The following ZFPM2 variants were observed in gnomAD, a reference collection of about 807,000 sequenced individuals.
ZFPM2 encodes the protein zinc finger protein ZFPM2.
In ZFPM2, 20 loss-of-function variants were observed where a neutral mutation model predicts 98.6. The ratio of observed to expected loss-of-function variants is 0.20; its 90% CI spans 0.14 to 0.29. The LOEUF (loss-of-function observed/expected upper bound fraction) is 0.29. Among genes scored for constraint, ZFPM2 ranks in the 10% least tolerant of loss-of-function variants. ZFPM2 has a pLI of 1.00. For synonymous variants in ZFPM2, 518 were observed against 502.7 expected (o/e 1.03, Z -0.41); for missense variants, 1,310 against 1,388.6 (o/e 0.94, Z 0.90).
intron 5 of ZFPM2, among the ~76,000 whole-genome samples, chr8:105,781,192 C>G (rs979524016): frequency 1.3e-5 from 2 of 152,146 alleles, no homozygotes; most frequent in Non-Finnish European, 2.9e-5. Flanking sequence ...AGTTCCCCTC[C>G]TAACTGTATT....
At chr8:105,763,287 A>G (rs962440704) in intron 5 of ZFPM2, among the ~76,000 whole-genome samples, 2 of 151,864 alleles carry the variant, frequency 1.3e-5, no homozygotes, top group African/African-American at 4.8e-5. Flanking sequence ...AGCGGACAAT[A>G]GAGGTCTGAA....
At chr8:105,410,378 C>T (rs13263189) in intron 1 of ZFPM2, among the ~76,000 whole-genome samples, 13,161 of 151,874 alleles carry the variant, frequency 0.087, 694 homozygotes, top group South Asian at 0.14. Context: ...GAAACTTGGT[C>T]GCCAAAGCCC....
chr8:105,426,110 G>A (rs1811902875), intron 2 of ZFPM2, among the ~76,000 whole-genome samples: 2 of 151,998 alleles, frequency 1.3e-5, no homozygotes, highest in Non-Finnish European at 2.9e-5. Flanking sequence ...AACTGCATAA[G>A]ACAGCTCTAC....
intron 2 of ZFPM2, among the ~76,000 whole-genome samples, chr8:105,434,558 G>T (rs1812083764): frequency 6.6e-6 from 1 of 152,090 alleles, no homozygotes; most frequent in Non-Finnish European, 1.5e-5. Context: ...AGCTTCTTCT[G>T]TGAAGGTATC....
At chr8:105,479,485 C>T (rs1477489863) in intron 3 of ZFPM2, among the ~76,000 whole-genome samples, 2 of 152,122 alleles carry the variant, frequency 1.3e-5, no homozygotes, top group Non-Finnish European at 2.9e-5. Context: ...TGTGCAAATT[C>T]TTCCAAAACA....
chr8:105,491,734 T>C (rs1478646212), intron 3 of ZFPM2, among the ~76,000 whole-genome samples: 3 of 152,206 alleles, frequency 2.0e-5, no homozygotes, highest in African/African-American at 7.2e-5. Context: ...TCTGTTTTTT[T>C]CCCTTAACTC....
chr8:105,483,982 C>T (rs1160428660), intron 3 of ZFPM2, among the ~76,000 whole-genome samples: 1 of 152,032 alleles, frequency 6.6e-6, no homozygotes, highest in Non-Finnish European at 1.5e-5. Context: ...GATCCGCCCA[C>T]CTCAGCCTCC....
chr8:105,723,055 C>T (rs1326999040), intron 5 of ZFPM2, among the ~76,000 whole-genome samples: 6 of 151,888 alleles, frequency 4.0e-5, no homozygotes, highest in Non-Finnish European at 7.4e-5. Context: ...CTCAGAAACA[C>T]TGATCTCCAT....
chr8:105,405,644 G>A (rs1811435623), intron 1 of ZFPM2, among the ~76,000 whole-genome samples: 2 of 152,098 alleles, frequency 1.3e-5, no homozygotes, highest in South Asian at 4.2e-4. Context: ...ATTCCATGGT[G>A]TATATGTGCC....
chr8:105,706,977 A>G (rs1468801677), intron 5 of ZFPM2, among the ~76,000 whole-genome samples: 2 of 151,712 alleles, frequency 1.3e-5, no homozygotes, highest in Non-Finnish European at 2.9e-5. Context: ...GTGGTGGCTC[A>G]TGGCTGTAAT....
At chr8:105,622,079 A>C (rs1816563017) in intron 4 of ZFPM2, among the ~76,000 whole-genome samples, 1 of 152,044 alleles carries the variant, frequency 6.6e-6, no homozygotes, top group South Asian at 2.1e-4. Flanking sequence ...GAATTATTTT[A>C]TATATAAGGT....
intron 3 of ZFPM2, among the ~76,000 whole-genome samples, chr8:105,517,419 A>G (rs560979740): frequency 2.0e-5 from 3 of 152,194 alleles, no homozygotes; most frequent in Non-Finnish European, 4.4e-5. Context: ...ACAAATAAAA[A>G]TTATATGTAT....
At chr8:105,633,154 A>T (rs2130837580) in intron 4 of ZFPM2, among the ~76,000 whole-genome samples, 1 of 152,272 alleles carries the variant, frequency 6.6e-6, no homozygotes, top group African/African-American at 2.4e-5. Context: ...ATTATGTGGA[A>T]CTCCTCAAGT....
At chr8:105,470,974 A>G (rs985634814) in intron 3 of ZFPM2, among the ~76,000 whole-genome samples, 3 of 152,182 alleles carry the variant, frequency 2.0e-5, no homozygotes, top group African/African-American at 7.2e-5. Flanking sequence ...TTCAAAAAAA[A>G]TGTTCATTAC....
At chr8:105,544,559 A>G (rs1278730317) in intron 3 of ZFPM2, among the ~76,000 whole-genome samples, 1 of 152,216 alleles carries the variant, frequency 6.6e-6, no homozygotes, top group Non-Finnish European at 1.5e-5. Context: ...TCATGCAACA[A>G]AGCTGAAACT....
intron 3 of ZFPM2, among the ~76,000 whole-genome samples, chr8:105,489,763 C>T (rs1230192297): frequency 6.6e-6 from 1 of 151,314 alleles, no homozygotes; most frequent in Admixed American, 6.6e-5. Context: ...TGTGCCTGAC[C>T]CAAAAAAGCT....
chr8:105,576,326 C>T (rs1236227525), intron 4 of ZFPM2, among the ~76,000 whole-genome samples: 1 of 151,890 alleles, frequency 6.6e-6, no homozygotes, highest in Non-Finnish European at 1.5e-5. Flanking sequence ...TATGAATAAA[C>T]ATAGAGGCAC....
chr8:105,681,138 T>C (rs1331329121), intron 5 of ZFPM2, among the ~76,000 whole-genome samples: 2 of 152,118 alleles, frequency 1.3e-5, no homozygotes, highest in Admixed American at 1.3e-4. Flanking sequence ...AACTCATGAG[T>C]CATCAGTGAC....
chr8:105,619,390 G>A (rs977340443), intron 4 of ZFPM2, among the ~76,000 whole-genome samples: 1 of 151,680 alleles, frequency 6.6e-6, no homozygotes, highest in South Asian at 2.1e-4. Context: ...TTAATATATT[G>A]TGAACATCTT....
Sources: allele counts gnomAD v4.1 joint callset (sites outside exome capture counted in the v4.1 genomes callset), GRCh38; gene constraint gnomAD v4.1.1; transcripts MANE v1.5; gene names NCBI Gene and HGNC (gene_info 2026-07-23, HGNC 2026-07-21).